The following TMEM132B variants were observed in gnomAD, a reference collection of about 807,000 sequenced individuals.
TMEM132B encodes transmembrane protein 132B.
TMEM132B carries 18 observed loss-of-function variants against 90.8 expected under a neutral mutation model. The ratio of observed to expected loss-of-function variants is 0.20; its 90% CI spans 0.14 to 0.29. The LOEUF (loss-of-function observed/expected upper bound fraction) is 0.29, where lower values mean the gene tolerates loss of function less well. Among genes scored for constraint, TMEM132B ranks in the 10% least tolerant of loss-of-function variants. The pLI is 1.00. For missense variants in TMEM132B, 1,096 were observed against 1,326.8 expected, an observed-to-expected ratio of 0.83 and a Z score of 2.70; for synonymous variants, 504 against 523.3, an observed-to-expected ratio of 0.96 and a Z score of 0.50.
At chr12:125,529,473 G>A (rs1566064590) in intron 4 of TMEM132B, among the ~76,000 whole-genome samples, 2 of 152,254 alleles carry the variant, frequency 1.3e-5, no homozygotes, top group East Asian at 3.9e-4. Flanking sequence ...GGCCAACAGG[G>A]ACTTGACTCT....
intron 3 of TMEM132B, 118 bp from the exon 4 acceptor site, chr12:125,519,321 T>C: frequency 9.2e-7 from 1 of 1,083,448 alleles, no homozygotes; most frequent in South Asian, 1.6e-5. Context: ...GTGTGAGTTG[T>C]TGAACTTGGC....
At chr12:125,638,477 G>T (rs558865541) in intron 5 of TMEM132B, among the ~76,000 whole-genome samples, 2 of 152,308 alleles carry the variant, frequency 1.3e-5, no homozygotes, top group Non-Finnish European at 2.9e-5. Flanking sequence ...CATACAAAGT[G>T]ATTCAGATGA....
intron 5 of TMEM132B, among the ~76,000 whole-genome samples, chr12:125,589,042 C>T (rs886245613): frequency 7.9e-5 from 12 of 152,058 alleles, no homozygotes; most frequent in African/African-American, 2.7e-4. Flanking sequence ...TACATATGCA[C>T]ATGTGGATAT....
At chr12:125,220,680 G>T (rs61943062) in intron 1 of TMEM132B, among the ~76,000 whole-genome samples, 5 of 152,198 alleles carry the variant, frequency 3.3e-5, no homozygotes, top group Admixed American at 6.5e-5. Context: ...TCAATCAGCA[G>T]GTCCTGGGGC....
In TMEM132B at chr12:125,243,414, C is replaced by G. The variant is rs148905913; in HGVS notation, c.67+56548C>G. Among the ~76,000 whole-genome samples, 1,151 of 152,034 alleles carry G rather than the reference C, an allele frequency of 7.6e-3. 15 individuals are homozygous for G. Among genetic ancestry groups the G allele is most frequent in the African/African-American group, 0.027 (1,100 of 41,448 alleles). On this transcript the variant is annotated intron_variant, in intron 1 of 8. Transcript: ENST00000682704. ...CTCTGCCTCCCGGGTTCCAGCAATT[C>G]TCATGCCTCAGCCTCCTGGGTAGCT...
intron 1 of TMEM132B, among the ~76,000 whole-genome samples, chr12:125,331,219 T>G (rs1273254645): frequency 6.6e-6 from 1 of 152,192 alleles, no homozygotes; most frequent in Non-Finnish European, 1.5e-5. Flanking sequence ...GTCGGTCCCC[T>G]CCTCCGCGTT....
chr12:125,432,831 C>T (rs936705510), intron 3 of TMEM132B, among the ~76,000 whole-genome samples: 8 of 152,130 alleles, frequency 5.3e-5, no homozygotes, highest in East Asian at 1.9e-4. Flanking sequence ...GCACACATGT[C>T]GACACTGTTT....
intron 6 of TMEM132B, among the ~76,000 whole-genome samples, chr12:125,646,147 G>T (rs189021417): frequency 1.3e-5 from 2 of 152,342 alleles, no homozygotes; most frequent in African/African-American, 4.8e-5. Flanking sequence ...ATGGATTCTG[G>T]TTAGGTGGTG....
intron 5 of TMEM132B, among the ~76,000 whole-genome samples, chr12:125,629,723 CA>C (rs1481697494): frequency 9.2e-5 from 14 of 152,054 alleles, no homozygotes; most frequent in Non-Finnish European, 1.9e-4. Context: ...TTCCACATCT[CA>C]GAGGAAGGGC....
At chr12:125,190,410 GTGGTGATGGGAAGAGGTGGTGA>G (rs1957790383) in intron 1 of TMEM132B, among the ~76,000 whole-genome samples, 1 of 147,004 alleles carries the variant, frequency 6.8e-6, no homozygotes, top group Non-Finnish European at 1.5e-5. Context: ...TGGGAAAGGG[GTGGTGATGGGAAGAGGTGGTGA>G]TGGTGATGGG....
At chr12:125,597,005 G>A (rs1327362989) in intron 5 of TMEM132B, among the ~76,000 whole-genome samples, 4 of 152,164 alleles carry the variant, frequency 2.6e-5, no homozygotes, top group Admixed American at 1.3e-4. Context: ...AGACCCTGCA[G>A]CAGTTGCCAG....
chr12:125,316,996 C>T (rs1487428994), intron 1 of TMEM132B, among the ~76,000 whole-genome samples: 1 of 152,190 alleles, frequency 6.6e-6, no homozygotes, highest in Non-Finnish European at 1.5e-5. Context: ...ACCCACCTAC[C>T]TCTTGTTCCT....
At chr12:125,190,132 C>T (rs892191284) in intron 1 of TMEM132B, among the ~76,000 whole-genome samples, 11 of 152,068 alleles carry the variant, frequency 7.2e-5, no homozygotes, top group East Asian at 1.9e-4. Context: ...GCACAGGGAC[C>T]GCCTGTTCAG....
Position 125,406,076 on chromosome 12 carries a change from C to A in TMEM132B, c.960-9455C>A, listed in dbSNP as rs1879465740. Among the ~76,000 whole-genome samples, 1 of 152,162 alleles carries A rather than the reference C, an allele frequency of 6.6e-6. No homozygotes were observed. Among genetic ancestry groups the A allele is most frequent in the African/African-American group, 2.4e-5 (1 of 41,434 alleles). On this transcript the variant is annotated intron_variant, in intron 2 of 8. Coordinates refer to ENST00000682704, the MANE Select transcript of TMEM132B (RefSeq NM_001366854.1). The surrounding 1 kb of genome is among the most constrained non-coding windows in gnomAD (Gnocchi z 8.3). ...TCCTGAACTAATGAAGAACTAAGTT[C>A]TTCCACTGTGGGCTGTTTGGTTAAC...
rs2136191976 is a variant in TMEM132B at position 125,322,616 on chromosome 12, A to T, written c.68-26836A>T. 3.3e-5 allele frequency among the ~76,000 whole-genome samples: 5 copies of T among 152,296 alleles called. 1 individual carries two copies. The Middle Eastern group carries it at 0.01, about 311-fold the overall frequency. ...AATGGTTGCACAACTTTGTAGCTAA[A>T]CTCATCAAACCATACACTTTAATTG... On this transcript the variant is annotated intron_variant, in intron 1 of 8. Transcript: ENST00000682704.
intron 3 of TMEM132B, among the ~76,000 whole-genome samples, chr12:125,421,821 G>A (rs567929827): frequency 2.1e-4 from 32 of 152,314 alleles, no homozygotes; most frequent in African/African-American, 6.0e-4. Context: ...AAGTGCCATC[G>A]TATGGATTTG....
intron 5 of TMEM132B, among the ~76,000 whole-genome samples, chr12:125,619,284 G>A (rs552535623): frequency 6.6e-6 from 1 of 151,950 alleles, no homozygotes; most frequent in African/African-American, 2.4e-5. Flanking sequence ...GGCTATTCTG[G>A]GCCTTGAAAG....
intron 3 of TMEM132B, among the ~76,000 whole-genome samples, chr12:125,454,390 GTT>G (rs1555250637): frequency 0.15 from 21,309 of 139,170 alleles, 1,805 homozygotes; most frequent in East Asian, 0.34. Context: ...GTGTGTGTGT[GTT>G]TGTGTGTGTG....
At chr12:125,488,027 G>A (rs916897671) in intron 3 of TMEM132B, among the ~76,000 whole-genome samples, 1 of 152,102 alleles carries the variant, frequency 6.6e-6, no homozygotes, top group Non-Finnish European at 1.5e-5. Context: ...TTTTCTGTTT[G>A]TCTGGAAAAG....
Sources: allele counts gnomAD v4.1 joint callset (sites outside exome capture counted in the v4.1 genomes callset), GRCh38; gene constraint gnomAD v4.1.1; non-coding constraint Gnocchi (gnomAD v3.1); transcripts MANE v1.5; gene names NCBI Gene and HGNC (gene_info 2026-07-23, HGNC 2026-07-21).